Variants in PSD3 observed in about 807,000 individuals in gnomAD.
PSD3 encodes the protein pleckstrin and Sec7 domain containing 3.
In PSD3, 49 loss-of-function variants were observed where a neutral mutation model predicts 105.5. The observed-to-expected ratio is 0.46, with a 90% CI of 0.37 to 0.59. The LOEUF is 0.59. PSD3 is among the 20% of genes least tolerant of loss of function. The pLI is 0.00. For missense variants in PSD3, 1,561 were observed against 1,263.8 expected (o/e 1.24, Z -3.57); for synonymous variants, 557 against 457.8 (o/e 1.22, Z -2.77).
chr8:18,762,469 A>G (rs1806621877), intron 9 of PSD3, among the ~76,000 whole-genome samples: 1 of 152,174 alleles, frequency 6.6e-6, no homozygotes, highest in African/African-American at 2.4e-5. Flanking sequence ...CAGCAGTGGG[A>G]GAATGGACTA....
rs1003888273 is a variant in PSD3 at position 18,530,584 on chromosome 8, G to C, written c.*5159C>G. The C allele has an allele frequency of 2.0e-5, 3 of 152,470 alleles. No individual in the cohort carries two copies. The highest frequency in any genetic ancestry group is 2.9e-5 in the Non-Finnish European group (2 of 68,022). 9.4% of individuals were successfully genotyped at this position (152,470 alleles called of 1,614,324 possible). A position where few individuals can be genotyped will look rare whatever the true frequency, so the allele number is the denominator to read the frequency against. On this transcript the variant is annotated 3_prime_UTR_variant, in exon 16 of 16. Transcript: ENST00000327040. Reference sequence around the variant, plus strand: ...ATGGACTAATTACAACAACAATAAAGAACGTGTGCTTTAAAGCATCACATT... The same window carrying C: ...ATGGACTAATTACAACAACAATAAACAACGTGTGCTTTAAAGCATCACATT...
chr8:18,806,418 T>C (rs1811201701), intron 4 of PSD3, among the ~76,000 whole-genome samples: 1 of 152,216 alleles, frequency 6.6e-6, no homozygotes, highest in African/African-American at 2.4e-5. Context: ...TGTGGTCAGG[T>C]ATAGAGGGTT....
At chr8:18,730,106 C>G (rs1803627822) in intron 9 of PSD3, 1 of 152,158 alleles carries the variant, frequency 6.6e-6, no homozygotes, top group African/African-American at 2.4e-5. Context: ...TTGCCTCTTT[C>G]TAATGACAAG....
intron 9 of PSD3, among the ~76,000 whole-genome samples, chr8:18,671,476 T>C (rs73589500): frequency 0.035 from 5,394 of 152,224 alleles, 195 homozygotes; most frequent in East Asian, 0.15. Context: ...CAAGAGGTAA[T>C]GTAGTTATGA....
chr8:19,000,905 C>G (rs887314799), intron 1 of PSD3: 1 of 151,846 alleles, frequency 6.6e-6, no homozygotes, highest in African/African-American at 2.4e-5. Flanking sequence ...TGGGCCAAAG[C>G]ACCACATATA....
chr8:18,845,705 A>C (rs1444336718), intron 4 of PSD3, among the ~76,000 whole-genome samples: 2 of 152,176 alleles, frequency 1.3e-5, no homozygotes, highest in Admixed American at 1.3e-4. Context: ...GAGAGGGCAA[A>C]GCAGGAGGAT....
chr8:18,946,876 G>A (rs1053358057), intron 1 of PSD3, among the ~76,000 whole-genome samples: 2 of 151,344 alleles, frequency 1.3e-5, no homozygotes, highest in African/African-American at 4.8e-5. Context: ...CTGCACTCCA[G>A]CCTGCGCAAC....
At chr8:18,926,875 C>T (rs1473182949) in intron 2 of PSD3, among the ~76,000 whole-genome samples, 1 of 151,312 alleles carries the variant, frequency 6.6e-6, no homozygotes, top group East Asian at 2.0e-4. Context: ...CCACCCCTAA[C>T]CCCATGCCCT....
intron 2 of PSD3, among the ~76,000 whole-genome samples, chr8:18,882,324 A>G (rs1040433087): frequency 6.6e-6 from 1 of 152,216 alleles, no homozygotes; most frequent in Non-Finnish European, 1.5e-5. Context: ...CGTTGCTTCT[A>G]AGTCCAGGCT....
chr8:18,836,576 T>C (rs932317943), intron 4 of PSD3, among the ~76,000 whole-genome samples: 100 of 152,220 alleles, frequency 6.6e-4, no homozygotes, highest in Non-Finnish European at 1.0e-3. Context: ...TATACATTTG[T>C]CCCGCCATAT....
intron 2 of PSD3, among the ~76,000 whole-genome samples, chr8:18,878,314 TATA>T (rs1554529596): frequency 6.6e-6 from 1 of 152,212 alleles, no homozygotes; most frequent in Non-Finnish European, 1.5e-5. Context: ...ACTTGGAGCA[TATA>T]ATAACATATT....
intron 1 of PSD3, among the ~76,000 whole-genome samples, chr8:19,023,542 C>G (rs1827434669): frequency 6.6e-6 from 1 of 151,986 alleles, no homozygotes; most frequent in South Asian, 2.1e-4. Flanking sequence ...GCAATCCTCC[C>G]ACCTCAGCCT....
At chr8:18,646,978 C>T (rs1194353353) in intron 10 of PSD3, among the ~76,000 whole-genome samples, 3 of 152,162 alleles carry the variant, frequency 2.0e-5, no homozygotes, top group Non-Finnish European at 4.4e-5. Flanking sequence ...AAGGTACCCA[C>T]ATAAAAAACA....
chr8:18,556,480 C>A, intron 14 of PSD3, 128 bp from the exon 15 acceptor site: 1 of 898,902 alleles, frequency 1.1e-6, no homozygotes, highest in Non-Finnish European at 1.7e-6. Context: ...TGTGCCTCTG[C>A]TGCCACATCC....
At position 18,589,916 on chromosome 8, in the gene PSD3, TCTTA is replaced by T. The variant is rs1325977454; in HGVS notation, c.2481+10444_2481+10447del. Among the ~76,000 whole-genome samples the T allele has an allele frequency of 9.6e-4, 146 of 152,338 alleles. 1 individual carries two copies. The highest frequency in any genetic ancestry group is 1.8e-4 in the Non-Finnish European group (12 of 68,040). The stretch of plus-strand genomic sequence containing the variant: ...GGTGATGGTGATCCTTGCCTTCCGT[TCTTA>T]CTTAAACATCTGTATTCCCTGCCAT... On this transcript the variant is annotated intron_variant, in intron 12 of 15. Transcript: ENST00000327040.
intron 9 of PSD3, among the ~76,000 whole-genome samples, chr8:18,745,163 C>T (rs551813661): frequency 6.6e-6 from 1 of 152,264 alleles, no homozygotes; most frequent in African/African-American, 2.4e-5. Flanking sequence ...GTATTTTCCC[C>T]TCATAATGAA....
chr8:18,983,927 C>CA (rs1825368502), intron 1 of PSD3, among the ~76,000 whole-genome samples: 2 of 149,554 alleles, frequency 1.3e-5, no homozygotes, highest in East Asian at 3.9e-4. Flanking sequence ...CATCTGAGCC[C>CA]AAAAAAGTTC....
intron 14 of PSD3, among the ~76,000 whole-genome samples, chr8:18,570,861 T>C (rs1026682545): frequency 2.7e-5 from 4 of 149,824 alleles, no homozygotes; most frequent in African/African-American, 7.3e-5. Context: ...ATTATTATTA[T>C]TATTATTATT....
intron 1 of PSD3, among the ~76,000 whole-genome samples, chr8:18,973,905 T>A (rs1376338187): frequency 1.3e-5 from 2 of 152,214 alleles, no homozygotes; most frequent in African/African-American, 4.8e-5. Flanking sequence ...ATACTGCTAT[T>A]ATGACCATTT....
Sources: allele counts gnomAD v4.1 joint callset (sites outside exome capture counted in the v4.1 genomes callset), GRCh38; gene constraint gnomAD v4.1.1; transcripts MANE v1.5; gene names NCBI Gene and HGNC (gene_info 2026-07-23, HGNC 2026-07-21).